The following VPS54 variants were observed in gnomAD, a reference collection of about 807,000 sequenced individuals.
VPS54 encodes VPS54 subunit of GARP complex.
In VPS54, 45 loss-of-function variants were observed where a neutral mutation model predicts 121.5. That is an observed-to-expected ratio of 0.37 (90% CI 0.29 to 0.47). The LOEUF is 0.47. VPS54 is among the 20% of genes least tolerant of loss of function. The probability of loss-of-function intolerance (pLI) is 0.99; values close to 1 mark genes in which losing one functional copy is unlikely to be tolerated. For synonymous variants in VPS54, 371 were observed against 385.8 expected (o/e 0.96, Z 0.45); for missense variants, 1,090 against 1,131.4 (o/e 0.96, Z 0.52).
intron 7 of VPS54, among the ~76,000 whole-genome samples, chr2:63,949,759 CTT>C (rs1343114978): frequency 1.3e-5 from 2 of 152,136 alleles, no homozygotes; most frequent in Admixed American, 1.3e-4. Context: ...CTCAGTATAA[CTT>C]TACCGAAATG....
chr2:64,006,760 A>T (rs2104691763), intron 1 of VPS54, among the ~76,000 whole-genome samples: 1 of 152,264 alleles, frequency 6.6e-6, no homozygotes, highest in Middle Eastern at 3.4e-3. Flanking sequence ...CTGGGACTAC[A>T]GGCGCATGCC....
chr2:63,974,354 T>C (rs1335664467), intron 3 of VPS54, among the ~76,000 whole-genome samples: 1 of 152,248 alleles, frequency 6.6e-6, no homozygotes, highest in African/African-American at 2.4e-5. Context: ...ACTGTAGCTT[T>C]ATAGCAAAAC....
Position 63,985,680 on chromosome 2 carries a change from TACACACACACAC to T in VPS54, c.-20-1673_-20-1662del, listed in dbSNP as rs3079061. On this transcript the variant is annotated intron_variant, in intron 1 of 22. Coordinates refer to ENST00000272322, the MANE Select transcript of VPS54 (RefSeq NM_016516.3). ...TACACTGGGAAGAAGTGACAAATTA[TACACACACACAC>T]ACACACACACACACACACACACACA... 4.6e-3 allele frequency among the ~76,000 whole-genome samples: 669 copies of T among 144,928 alleles called. 9 individuals are homozygous for T. The highest frequency in any genetic ancestry group is 0.015 in the African/African-American group (562 of 38,620).
chr2:63,926,013 A>C (rs1673884395), intron 12 of VPS54, among the ~76,000 whole-genome samples: 1 of 152,254 alleles, frequency 6.6e-6, no homozygotes, highest in Non-Finnish European at 1.5e-5. Flanking sequence ...GAAGATGAAT[A>C]CAAATGATAC....
intron 1 of VPS54, 54 bp from the exon 2 acceptor site, chr2:63,984,073 T>C: frequency 7.2e-7 from 1 of 1,382,218 alleles, no homozygotes; most frequent in Non-Finnish European, 9.5e-7. Context: ...AATCCAAGTA[T>C]TATACATGTC....
intron 1 of VPS54, among the ~76,000 whole-genome samples, chr2:63,990,344 G>A (rs12611543): frequency 0.2 from 30,410 of 151,966 alleles, 4,428 homozygotes; most frequent in East Asian, 0.76. Context: ...CAGACAGCCC[G>A]GGACCATATA....
chr2:63,978,166 T>A (rs567367727), intron 3 of VPS54, among the ~76,000 whole-genome samples: 7 of 152,364 alleles, frequency 4.6e-5, no homozygotes, highest in East Asian at 3.9e-4. Flanking sequence ...TAAGGTTTTT[T>A]GTTGTGAGAA....
chr2:63,931,310 T>C (rs560519540), intron 12 of VPS54, among the ~76,000 whole-genome samples: 71 of 152,242 alleles, frequency 4.7e-4, no homozygotes, highest in Non-Finnish European at 2.4e-4. Flanking sequence ...AACAGATATA[T>C]AGACCAATGG....
intron 17 of VPS54, chr2:63,913,977 G>A (rs1673265986): frequency 6.2e-6 from 8 of 1,285,074 alleles, no homozygotes; most frequent in Non-Finnish European, 7.2e-6. Flanking sequence ...CTCTATGGGT[G>A]AATGAGGATC....
At chr2:63,994,772 G>A (rs1677500468) in intron 1 of VPS54, among the ~76,000 whole-genome samples, 1 of 152,082 alleles carries the variant, frequency 6.6e-6, no homozygotes, top group South Asian at 2.1e-4. Context: ...AAAATTTTGA[G>A]GGCCCATCTA....
chr2:63,919,229 T>C (rs1473981146), intron 15 of VPS54, among the ~76,000 whole-genome samples: 5 of 152,080 alleles, frequency 3.3e-5, no homozygotes, highest in Non-Finnish European at 5.9e-5. Context: ...TTTACTTCTA[T>C]GTTCTAGATT....
intron 1 of VPS54, among the ~76,000 whole-genome samples, chr2:63,998,938 T>G (rs1248332287): frequency 6.6e-6 from 1 of 152,192 alleles, no homozygotes; most frequent in Non-Finnish European, 1.5e-5. Flanking sequence ...TCTTTTTTAT[T>G]GAAGTACATA....
chr2:64,001,644 G>A (rs1021063031), intron 1 of VPS54, among the ~76,000 whole-genome samples: 6 of 152,178 alleles, frequency 3.9e-5, no homozygotes, highest in South Asian at 2.1e-4. Context: ...TAGCCCAGGC[G>A]TGTGTCTAGA....
intron 1 of VPS54, among the ~76,000 whole-genome samples, chr2:64,002,748 TTC>T (rs1393908411): frequency 5.3e-4 from 81 of 152,324 alleles, no homozygotes; most frequent in African/African-American, 1.9e-3. Context: ...CATATGCACA[TTC>T]TCTTTTTTCC....
intron 20 of VPS54, among the ~76,000 whole-genome samples, chr2:63,911,464 T>A (rs1396941781): frequency 6.6e-6 from 1 of 152,178 alleles, no homozygotes; most frequent in Non-Finnish European, 1.5e-5. Flanking sequence ...GCCGCTTTCA[T>A]AATAATATTA....
intron 11 of VPS54, among the ~76,000 whole-genome samples, chr2:63,941,515 C>A (rs1408701821): frequency 6.6e-6 from 1 of 152,214 alleles, no homozygotes; most frequent in East Asian, 1.9e-4. Context: ...GTGTAATCCA[C>A]CGTGCCCAGC....
intron 11 of VPS54, among the ~76,000 whole-genome samples, chr2:63,942,204 G>C (rs1312084020): frequency 2.0e-5 from 3 of 151,828 alleles, no homozygotes. Flanking sequence ...AAAATCACGA[G>C]AGGAAATATT....
At position 63,962,505 on chromosome 2, in the gene VPS54, T is replaced by C. The variant is rs1675816567; in HGVS notation, c.625-62A>G. On this transcript the variant is annotated intron_variant, in intron 6 of 22. Transcript: ENST00000272322. ...AGCATACCTTCCTTGATTATCCAAATACTTTATGACAATGATAAAAGATTT... is the reference window on the plus strand; with the variant it reads ...AGCATACCTTCCTTGATTATCCAAACACTTTATGACAATGATAAAAGATTT... 5.4e-6 allele frequency: 8 copies of C among 1,493,246 alleles called. No homozygotes were observed. In the South Asian group the frequency reaches 8.0e-5, roughly 15 times the overall value. The allele number at this position is 1,493,246 out of a possible 1,614,324, so 92.5% of individuals were successfully genotyped here. A position where few individuals can be genotyped will look rare whatever the true frequency, so the allele number is the denominator to read the frequency against.
chr2:63,939,227 C>G (rs1575933550), intron 11 of VPS54, among the ~76,000 whole-genome samples: 1 of 152,194 alleles, frequency 6.6e-6, no homozygotes. Context: ...CAAAAATTAG[C>G]TAGACATGGT....
Sources: allele counts gnomAD v4.1 joint callset (sites outside exome capture counted in the v4.1 genomes callset), GRCh38; gene constraint gnomAD v4.1.1; transcripts MANE v1.5; gene names NCBI Gene and HGNC (gene_info 2026-07-23, HGNC 2026-07-21).